Variants in GNAO1 observed in about 807,000 individuals in gnomAD.
The protein encoded by GNAO1 is G protein subunit alpha o1, also known as guanine nucleotide-binding protein G(o) subunit alpha.
For missense variants in GNAO1, 166 were observed against 478.7 expected, an observed-to-expected ratio of 0.35 and a Z score of 6.10; for synonymous variants, 164 against 180.7, an observed-to-expected ratio of 0.91 and a Z score of 0.74.
intron 3 of GNAO1, among the ~76,000 whole-genome samples, chr16:56,289,047 GA>G (rs1289721987): frequency 6.6e-6 from 1 of 151,908 alleles, no homozygotes; most frequent in East Asian, 1.9e-4. Context: ...GGGGGGAGCG[GA>G]AAAAAGAGAA....
chr16:56,328,827 G>A lies in GNAO1; in HGVS notation c.464+36G>A, dbSNP rs758975742. 6.2e-6 allele frequency: 10 copies of A among 1,606,354 alleles called. No individual in the cohort carries two copies. The Admixed American group carries it at 1.3e-4, about 21-fold the overall frequency. ...CAGCGGGCGCATGGCCTGGAGCCGG[G>A]CAGTGATGCGGGAGTGGAAGGGACT... is the stretch of plus-strand genomic sequence containing the variant. On this transcript the variant is annotated intron_variant, in intron 4 of 8. Transcript: ENST00000262493.
chr16:56,349,962 A>G (rs984686749), intron 6 of GNAO1, among the ~76,000 whole-genome samples: 3 of 152,142 alleles, frequency 2.0e-5, no homozygotes, highest in Admixed American at 6.5e-5. Flanking sequence ...CCCATTGCAT[A>G]AGTTCTGGAT....
chr16:56,337,188 C>A (rs911033661), intron 6 of GNAO1, among the ~76,000 whole-genome samples: 9 of 152,236 alleles, frequency 5.9e-5, no homozygotes, highest in Non-Finnish European at 1.3e-4. Context: ...CCTAAAAAAA[C>A]CAGGAGGCAG....
At chr16:56,221,212 A>G (rs1209197888) in intron 2 of GNAO1, among the ~76,000 whole-genome samples, 1 of 152,092 alleles carries the variant, frequency 6.6e-6, no homozygotes. Flanking sequence ...CTGCGAGAAA[A>G]TAAGTCTCTC....
chr16:56,345,185 C>A, intron 6 of GNAO1: 2 of 985,878 alleles, frequency 2.0e-6, no homozygotes, highest in Non-Finnish European at 2.4e-6. Flanking sequence ...TGGCCTTGGG[C>A]AACCAACACA....
At chr16:56,193,740 G>A (rs2036204071) in intron 2 of GNAO1, 2 of 233,920 alleles carry the variant, frequency 8.5e-6, no homozygotes, top group East Asian at 1.1e-4. Flanking sequence ...GGGGGTGGCC[G>A]GCAGCGAAGG....
chr16:56,327,236 C>A (rs780299064), intron 3 of GNAO1, among the ~76,000 whole-genome samples: 7 of 152,034 alleles, frequency 4.6e-5, no homozygotes, highest in African/African-American at 7.2e-5. Context: ...AGAGCCCGGG[C>A]GTATTCATGG....
intron 3 of GNAO1, among the ~76,000 whole-genome samples, chr16:56,297,779 T>C (rs1430456255): frequency 2.0e-5 from 3 of 152,038 alleles, no homozygotes; most frequent in African/African-American, 7.2e-5. Context: ...TTTGTCAAAC[T>C]AGGGAGGAGG....
intron 2 of GNAO1, among the ~76,000 whole-genome samples, chr16:56,202,660 A>G (rs1358873763): frequency 6.6e-6 from 1 of 152,230 alleles, no homozygotes; most frequent in Non-Finnish European, 1.5e-5. Context: ...GGAAGTCTGT[A>G]GAGAAATTCT....
chr16:56,202,709 T>C (rs2143304521), intron 2 of GNAO1, among the ~76,000 whole-genome samples: 1 of 152,330 alleles, frequency 6.6e-6, no homozygotes, highest in African/African-American at 2.4e-5. Context: ...AGGGAGCTCC[T>C]GCCTTAGCAT....
chr16:56,291,088 A>T (rs1427172778), intron 3 of GNAO1, among the ~76,000 whole-genome samples: 1 of 152,210 alleles, frequency 6.6e-6, no homozygotes, highest in Non-Finnish European at 1.5e-5. Context: ...TTCATGTACA[A>T]GTTTTGTACA....
At chr16:56,214,973 G>A (rs2036425422) in intron 2 of GNAO1, among the ~76,000 whole-genome samples, 1 of 152,200 alleles carries the variant, frequency 6.6e-6, no homozygotes, top group African/African-American at 2.4e-5. Context: ...CATTGGGTCT[G>A]GGCATTGGCT....
intron 2 of GNAO1, among the ~76,000 whole-genome samples, chr16:56,210,867 C>T (rs1404984267): frequency 2.6e-5 from 4 of 152,168 alleles, no homozygotes; most frequent in African/African-American, 2.4e-5. Flanking sequence ...TGTGGTTTGT[C>T]TTCTCAGTCT....
chr16:56,297,522 GGTGTGTGTGTGTGTGTGTGTGTGTGT>G (rs10545712), intron 3 of GNAO1, among the ~76,000 whole-genome samples: 2 of 134,330 alleles, frequency 1.5e-5, no homozygotes, highest in East Asian at 4.4e-4. Flanking sequence ...TTGTCTAACT[GGTGTGTGTGTGTGTGTGTGTGTGTGT>G]GTGTGTGTGT....
intron 6 of GNAO1, among the ~76,000 whole-genome samples, chr16:56,341,698 A>G (rs1272550576): frequency 6.6e-6 from 1 of 152,138 alleles, no homozygotes; most frequent in East Asian, 1.9e-4. Context: ...TTACCTGACC[A>G]TGGGGTGGGC....
intron 8 of GNAO1, 66 bp downstream of exon 8, chr16:56,355,147 C>T: frequency 1.6e-6 from 1 of 612,748 alleles, no homozygotes; most frequent in East Asian, 2.8e-5. Flanking sequence ...CACACACACA[C>T]ACACACACCA....
intron 3 of GNAO1, among the ~76,000 whole-genome samples, chr16:56,327,758 G>A (rs998631379): frequency 2.9e-4 from 44 of 151,978 alleles, no homozygotes; most frequent in Admixed American, 2.6e-3. Flanking sequence ...CAGCCTACAC[G>A]TGTGCACCTT....
intron 2 of GNAO1, chr16:56,194,508 GA>G: frequency 3.1e-6 from 1 of 317,954 alleles, no homozygotes; most frequent in Non-Finnish European, 6.3e-6. Context: ...GCCGAGGCCG[GA>G]AAAGTCGATG....
chr16:56,333,452 C>T (rs1361451381), intron 4 of GNAO1, among the ~76,000 whole-genome samples: 2 of 152,148 alleles, frequency 1.3e-5, no homozygotes, highest in African/African-American at 2.4e-5. Flanking sequence ...CCTCATGATC[C>T]GCCCACCTTG....
Sources: gnomAD v4.1 joint callset for allele counts (sites outside exome capture counted in the v4.1 genomes callset) on GRCh38, gnomAD v4.1.1 for gene constraint, MANE v1.5 for transcripts, NCBI Gene and HGNC (gene_info 2026-07-23, HGNC 2026-07-21) for gene names.